Variants in EDC3 observed in about 807,000 individuals in gnomAD.
The protein encoded by EDC3 is enhancer of mRNA decapping 3.
Under a neutral mutation model 41.8 loss-of-function variants are expected in EDC3, and 20 were observed. That is an observed-to-expected ratio of 0.48 (90% confidence interval 0.34 to 0.70). EDC3 has a LOEUF of 0.70. EDC3 is among the 30% of genes least tolerant of loss of function. The pLI, the probability that EDC3 is intolerant of heterozygous loss-of-function variation, is 0.01. For synonymous variants in EDC3, 206 were observed against 243.2 expected, an observed-to-expected ratio of 0.85 and a Z score of 1.42; for missense variants, 444 against 636.8, an observed-to-expected ratio of 0.70 and a Z score of 3.26.
chr15:74,665,192 T>G (rs1721178256), intron 3 of EDC3, among the ~76,000 whole-genome samples: 2 of 152,104 alleles, frequency 1.3e-5, no homozygotes, highest in South Asian at 4.1e-4. Flanking sequence ...GCCCAGCTAA[T>G]TTTTTGTATT....
chr15:74,678,246 C>G (rs1043443835), intron 1 of EDC3, among the ~76,000 whole-genome samples: 4 of 152,054 alleles, frequency 2.6e-5, no homozygotes, highest in African/African-American at 9.7e-5. Flanking sequence ...TGGATGACAA[C>G]GAAGTGTCAG....
At position 74,632,882 on chromosome 15, in the gene EDC3, C is replaced by T. The variant is rs2062229331; in HGVS notation, c.1257G>A (p.Leu419=). The T allele has an allele frequency of 6.2e-7, 1 of 1,614,118 alleles. No homozygotes were observed. Among genetic ancestry groups the T allele is most frequent in the East Asian group, 2.2e-5 (1 of 44,898 alleles). The change falls in exon 7 of 7, where the codon CTG becomes CTA. Residue 419 remains leucine (L), a synonymous_variant. Coordinates refer to ENST00000315127, the MANE Select transcript of EDC3 (RefSeq NM_025083.5). This position sits in a 1 kb window ranked among gnomAD's most constrained non-coding sequence, Gnocchi z 4.0. ...CTGCCTTGTACCAGGGTTGATCGCG[C>T]AGGAAGACGTTCTCAGGGCAATCCA... ...NCLDCPENVF[L]RDQPWYKAAV... is the part of the protein sequence containing the mutation.
rs1252347472 is a variant in EDC3, at chr15:74,632,829, G to A, written c.1310C>T (p.Ala437Val). The change falls in exon 7 of 7, where the codon GCA becomes GTA. Residue 437 changes from alanine (A) to valine (V), a missense_variant. Physicochemically the swap from Ala to Val is moderately conservative, Grantham distance 64. This residue lies in a region of EDC3 where 242 missense variants were observed against 363.8 expected (regional missense o/e 0.67). Transcript: ENST00000315127. This position sits in a 1 kb window ranked among gnomAD's most constrained non-coding sequence, Gnocchi z 4.0. ...AGGAGGGTCTATGCTGAGTACTGGTGCCCGGTTCTGGTTGGCCCAGGCCAC... is the reference window on the plus strand; with the variant it reads ...AGGAGGGTCTATGCTGAGTACTGGTACCCGGTTCTGGTTGGCCCAGGCCAC... ...AAVAWANQNRAPVLSIDPPVH... is the reference protein window; with the variant it reads ...AAVAWANQNRVPVLSIDPPVH... 3 of 1,614,276 alleles carry A rather than the reference G, an allele frequency of 1.9e-6. No homozygotes were observed. Among genetic ancestry groups the A allele is most frequent in the Non-Finnish European group, 2.5e-6 (3 of 1,180,048 alleles).
Position 74,641,921 on chromosome 15 carries a change from A to G in EDC3, c.821-1302T>C, listed in dbSNP as rs1056206998. 7 of 152,718 alleles carry G rather than the reference A, an allele frequency of 4.6e-5. No individual in the cohort carries two copies. The South Asian group carries it at 6.2e-4, about 14-fold the overall frequency. 9.5% of individuals were successfully genotyped at this position (152,718 alleles called of 1,614,324 possible). On this transcript the variant is annotated intron_variant, in intron 4 of 6. Coordinates refer to ENST00000315127, the MANE Select transcript of EDC3 (RefSeq NM_025083.5). ...TGGTCTGGCCTAACTCTAAGGTAGA[A>G]GAGTTAGGGAATAAAAGTTAATAAA...
intron 5 of EDC3, 152 bp from the exon 6 acceptor site, chr15:74,635,778 C>CA: frequency 1.4e-6 from 1 of 692,282 alleles, no homozygotes; most frequent in East Asian, 2.7e-5. Context: ...AAATCCACTG[C>CA]AGGCCAGGTC....
At chr15:74,640,378 C>A in intron 5 of EDC3, 88 bp downstream of exon 5, 1 of 1,431,310 alleles carries the variant, frequency 7.0e-7, no homozygotes, top group Non-Finnish European at 9.6e-7. Flanking sequence ...CTAATGAACT[C>A]GTATGTGTGT....
Position 74,630,866 on chromosome 15 carries a change from T to A in EDC3, c.*1746A>T, listed in dbSNP as rs1379317857. ...TGGATCTTGCTGGAGTGGACAGTCT[T>A]CTGGGCCAGGGTTGTTCTAGCTTGT... On this transcript the variant is annotated 3_prime_UTR_variant, in exon 7 of 7. Transcript: ENST00000315127. 1 of 152,206 alleles carries A rather than the reference T, an allele frequency of 6.6e-6. No individual in the cohort carries two copies. The highest frequency in any genetic ancestry group is 1.5e-5 in the Non-Finnish European group (1 of 68,064). 9.4% of individuals were successfully genotyped at this position (152,206 alleles called of 1,614,324 possible). A position where few individuals can be genotyped will look rare whatever the true frequency, so the allele number is the denominator to read the frequency against.
At chr15:74,662,736 C>T (rs557824303) in intron 3 of EDC3, among the ~76,000 whole-genome samples, 1 of 152,230 alleles carries the variant, frequency 6.6e-6, no homozygotes, top group East Asian at 1.9e-4. Context: ...AAGGAGAAGA[C>T]AGGGTTAAGG....
At chr15:74,656,226 T>C in intron 3 of EDC3, among the ~76,000 whole-genome samples, 158 bp from the exon 4 acceptor site, 1 of 152,036 alleles carries the variant, frequency 6.6e-6, no homozygotes, top group East Asian at 1.9e-4. Context: ...AAACAACAAA[T>C]CTCATGTGCA....
At chr15:74,666,368 T>C (rs2062677158) in intron 3 of EDC3, among the ~76,000 whole-genome samples, 1 of 152,228 alleles carries the variant, frequency 6.6e-6, no homozygotes, top group Non-Finnish European at 1.5e-5. Flanking sequence ...ACCTCATTTA[T>C]GTACAGTTAA....
intron 1 of EDC3, among the ~76,000 whole-genome samples, chr15:74,692,229 G>C (rs137982481): frequency 6.6e-6 from 1 of 152,258 alleles, no homozygotes; most frequent in East Asian, 1.9e-4. Flanking sequence ...GTTGACTTTT[G>C]CTTTAGGATA....
chr15:74,634,980 A>G, intron 6 of EDC3: 1 of 432,284 alleles, frequency 2.3e-6, no homozygotes, highest in Admixed American at 2.5e-5. Context: ...GAAATGTCCA[A>G]GTCTCCTACT....
chr15:74,655,650 G>T, intron 4 of EDC3, 83 bp downstream of exon 4: 1 of 1,369,468 alleles, frequency 7.3e-7, no homozygotes, highest in South Asian at 1.4e-5. Flanking sequence ...GTGAGATTCT[G>T]ACTCAGAAGC....
chr15:74,673,127 C>T (rs896931654), intron 2 of EDC3, among the ~76,000 whole-genome samples: 1 of 151,884 alleles, frequency 6.6e-6, no homozygotes, highest in African/African-American at 2.4e-5. Flanking sequence ...GCAGAGGTAA[C>T]CAAGGACCAC....
chr15:74,685,965 G>T (rs1390354202), intron 1 of EDC3, among the ~76,000 whole-genome samples: 2 of 152,340 alleles, frequency 1.3e-5, no homozygotes, highest in African/African-American at 4.8e-5. Context: ...TGCCAAGGCA[G>T]GTGGATCACA....
chr15:74,674,661 G>C (rs2062780866), intron 2 of EDC3, among the ~76,000 whole-genome samples: 1 of 152,198 alleles, frequency 6.6e-6, no homozygotes, highest in Non-Finnish European at 1.5e-5. Context: ...AGATCTAAGG[G>C]AGAGGGTTGT....
At chr15:74,659,807 G>T (rs1357310577) in intron 3 of EDC3, among the ~76,000 whole-genome samples, 1 of 152,156 alleles carries the variant, frequency 6.6e-6, no homozygotes, top group African/African-American at 2.4e-5. Context: ...AGCACTTTGG[G>T]AGGCTGAGGT....
At chr15:74,655,463 T>C (rs989517206) in intron 4 of EDC3, among the ~76,000 whole-genome samples, 2 of 152,158 alleles carry the variant, frequency 1.3e-5, no homozygotes, top group Admixed American at 1.3e-4. Flanking sequence ...CCTTTGCCTT[T>C]AGTTGTTACT....
Position 74,675,146 on chromosome 15 carries a change from T to C in EDC3, c.-18-4A>G, listed in dbSNP as rs1251767363. 1 of 1,611,286 alleles carries C rather than the reference T, an allele frequency of 6.2e-7. No homozygotes were observed. Among genetic ancestry groups the C allele is most frequent in the Non-Finnish European group, 8.5e-7 (1 of 1,179,918 alleles). On this transcript the variant is annotated splice_region_variant and splice_polypyrimidine_tract_variant and intron_variant, in intron 1 of 6. Coordinates refer to ENST00000315127, the MANE Select transcript of EDC3 (RefSeq NM_025083.5). ...CCATGTTTCACACGTGAGACCACTG[T>C]GAAGAGAAGGAACTATTCAGTGTGC... is the stretch of plus-strand genomic sequence containing the variant.
Sources: allele counts gnomAD v4.1 joint callset (sites outside exome capture counted in the v4.1 genomes callset), GRCh38; gene constraint gnomAD v4.1.1; regional missense constraint gnomAD v4.1.1; non-coding constraint Gnocchi (gnomAD v3.1); transcripts MANE v1.5; gene names NCBI Gene and HGNC (gene_info 2026-07-23, HGNC 2026-07-21).